CDC14B: variants seen among roughly 807,000 people sequenced by gnomAD.
CDC14B encodes the protein cell division cycle 14B, also known as dual specificity protein phosphatase CDC14B.
CDC14B carries 22 observed loss-of-function variants against 64.2 expected under a neutral mutation model. That is an observed-to-expected ratio of 0.34 (90% CI 0.24 to 0.49). CDC14B has a LOEUF of 0.49. Ranked by LOEUF, CDC14B falls within the 20% of genes least tolerant of loss-of-function variation. The probability of loss-of-function intolerance (pLI) is 0.99; values close to 1 mark genes in which losing one functional copy is unlikely to be tolerated. For synonymous variants in CDC14B, 191 were observed against 215.8 expected (o/e 0.89, Z 1.01); for missense variants, 498 against 629.9 (o/e 0.79, Z 2.24).
chr9:96,541,776 G>T (rs112505403), intron 6 of CDC14B, 50 bp downstream of exon 6: 75 of 1,296,490 alleles, frequency 5.8e-5, no homozygotes, highest in African/African-American at 4.9e-4. Flanking sequence ...TTCTTGGACC[G>T]CATGTTAGTT....
At position 96,500,535 on chromosome 9, in the gene CDC14B, C is replaced by T. The variant is rs1444790626; in HGVS notation, c.*3218G>A. 1 of 152,624 alleles carries T rather than the reference C, an allele frequency of 6.6e-6. No homozygotes were observed. Among genetic ancestry groups the T allele is most frequent in the Admixed American group, 6.5e-5 (1 of 15,282 alleles). 9.5% of individuals were successfully genotyped at this position (152,624 alleles called of 1,614,324 possible). On this transcript the variant is annotated 3_prime_UTR_variant, in exon 14 of 14. Coordinates refer to ENST00000375241, the MANE Select transcript of CDC14B (RefSeq NM_033331.4). ...AGGTAATTAAGGAGGTAATTTCCTA[C>T]ACAGTATAGGTGAATTGTCCAGTCT...
Position 96,546,488 on chromosome 9 carries a change from C to T in CDC14B, c.498-4596G>A, listed in dbSNP as rs931916977. Among the ~76,000 whole-genome samples, 12 of 150,464 alleles carry T rather than the reference C, an allele frequency of 8.0e-5. No homozygotes were observed. The East Asian group carries it at 2.2e-3, about 27-fold the overall frequency. Reference sequence around the variant, plus strand: ...GGTGGGGACGGAGTTTCGCTCTTGTCGCCCAGGCTGGAGTGCAATGACACG... The same window carrying T: ...GGTGGGGACGGAGTTTCGCTCTTGTTGCCCAGGCTGGAGTGCAATGACACG... On this transcript the variant is annotated intron_variant, in intron 5 of 13. Transcript: ENST00000375241.
intron 7 of CDC14B, among the ~76,000 whole-genome samples, chr9:96,535,073 T>C (rs1839087788): frequency 6.6e-6 from 1 of 152,196 alleles, no homozygotes; most frequent in Non-Finnish European, 1.5e-5. Context: ...AACTATTTAA[T>C]AAGGCAACCA....
intron 1 of CDC14B, among the ~76,000 whole-genome samples, chr9:96,603,370 TA>T (rs1035984613): frequency 6.6e-6 from 1 of 151,644 alleles, no homozygotes; most frequent in African/African-American, 2.4e-5. Flanking sequence ...ATGAAAAACT[TA>T]AAAAAAAGAA....
intron 13 of CDC14B, among the ~76,000 whole-genome samples, chr9:96,508,208 G>T (rs548887424): frequency 3.3e-5 from 5 of 152,044 alleles, no homozygotes; most frequent in Admixed American, 3.3e-4. Flanking sequence ...TAGAGACGGG[G>T]TTTCACTATG....
chr9:96,517,506 G>T (rs1166816407), intron 12 of CDC14B, among the ~76,000 whole-genome samples: 2 of 149,712 alleles, frequency 1.3e-5, no homozygotes, highest in African/African-American at 4.9e-5. Flanking sequence ...CAAAAAATTA[G>T]CCGGGCGTGG....
chr9:96,585,131 CAG>C, intron 1 of CDC14B, among the ~76,000 whole-genome samples: 1 of 152,140 alleles, frequency 6.6e-6, no homozygotes, highest in South Asian at 2.1e-4. Flanking sequence ...AACAACTTCT[CAG>C]AGAGATTTAA....
Position 96,534,176 on chromosome 9 carries a change from C to T in CDC14B, c.716-19G>A, listed in dbSNP as rs1421747596. 1.4e-6 allele frequency: 2 copies of T among 1,445,594 alleles called. No homozygotes were observed. The highest frequency in any genetic ancestry group is 1.9e-6 in the Non-Finnish European group (2 of 1,043,304). 89.5% of individuals were successfully genotyped at this position (1,445,594 alleles called of 1,614,324 possible). On this transcript the variant is annotated intron_variant, in intron 8 of 13. Transcript: ENST00000375241. ...TGGTAACCTACATAAAGAAATGCACCAGATCTTATAAAACACATAAAGAAA... is the reference window on the plus strand; with the variant it reads ...TGGTAACCTACATAAAGAAATGCACTAGATCTTATAAAACACATAAAGAAA...
intron 1 of CDC14B, among the ~76,000 whole-genome samples, chr9:96,584,828 G>A (rs1403518450): frequency 6.6e-6 from 1 of 151,870 alleles, no homozygotes; most frequent in Non-Finnish European, 1.5e-5. Flanking sequence ...CAATTTTTTT[G>A]TCTTTTTAGT....
At chr9:96,558,631 T>C (rs1842785054) in intron 4 of CDC14B, among the ~76,000 whole-genome samples, 1 of 152,192 alleles carries the variant, frequency 6.6e-6, no homozygotes, top group South Asian at 2.1e-4. Context: ...AAAACAAAAT[T>C]TCCAACTTTT....
At chr9:96,564,979 C>A in intron 2 of CDC14B, 127 bp from the exon 3 acceptor site, 1 of 585,036 alleles carries the variant, frequency 1.7e-6, no homozygotes, top group Non-Finnish European at 2.9e-6. Context: ...GCCAATACAA[C>A]TTAAAGGTAC....
At chr9:96,532,666 G>C (rs904692450) in intron 9 of CDC14B, among the ~76,000 whole-genome samples, 4 of 151,970 alleles carry the variant, frequency 2.6e-5, no homozygotes, top group African/African-American at 9.7e-5. Flanking sequence ...TATTCTTTCT[G>C]TTCCTCAGAC....
intron 6 of CDC14B, among the ~76,000 whole-genome samples, chr9:96,539,539 TA>T (rs1839754531): frequency 6.6e-6 from 1 of 152,206 alleles, no homozygotes; most frequent in Non-Finnish European, 1.5e-5. Flanking sequence ...CAATGGTCTC[TA>T]CATCGATAAG....
rs56713269 is a variant in CDC14B at position 96,612,487 on chromosome 9, G to A, written c.160+6732C>T. ...TTCTCACAACAAATCTGTGGCAGAT[G>A]AAAGCATCGAGGCTCCAAAAGGTTA... On this transcript the variant is annotated intron_variant, in intron 1 of 13. Coordinates refer to ENST00000375241, the MANE Select transcript of CDC14B (RefSeq NM_033331.4). Among the ~76,000 whole-genome samples the A allele has an allele frequency of 7.1e-3, 1,076 of 152,306 alleles. 19 individuals are homozygous for A. Among genetic ancestry groups the A allele is most frequent in the African/African-American group, 0.025 (1,026 of 41,566 alleles).
intron 1 of CDC14B, among the ~76,000 whole-genome samples, chr9:96,589,635 A>C (rs1246111091): frequency 6.6e-6 from 1 of 152,212 alleles, no homozygotes; most frequent in Non-Finnish European, 1.5e-5. Context: ...CTGCAAATAG[A>C]AATAGATGTA....
At position 96,514,524 on chromosome 9, in the gene CDC14B, T is replaced by C; in HGVS notation, c.1344-4735A>G. 6 of 985,298 alleles carry C rather than the reference T, an allele frequency of 6.1e-6. No individual in the cohort carries two copies. In the South Asian group the frequency reaches 2.8e-4, roughly 46 times the overall value. The allele number at this position is 985,298 out of a possible 1,614,324, so 61.0% of individuals were successfully genotyped here. ...GCAGGTTTTGCCTAATTCTGAAGAG[T>C]GAAATCAGCTTGATTTTTAAATCTT... On this transcript the variant is annotated intron_variant, in intron 12 of 13. Coordinates refer to ENST00000375241, the MANE Select transcript of CDC14B (RefSeq NM_033331.4).
chr9:96,545,013 C>T (rs1441178942), intron 5 of CDC14B, among the ~76,000 whole-genome samples: 1 of 152,190 alleles, frequency 6.6e-6, no homozygotes, highest in Admixed American at 6.5e-5. Context: ...TGCAAATTCT[C>T]AGGGCTACCC....
chr9:96,496,130 A>G, downstream of CDC14B: 1 of 364,092 alleles, frequency 2.7e-6, no homozygotes, highest in South Asian at 2.0e-5. Flanking sequence ...TTCCCAACCC[A>G]GTCAGGCCGA....
At chr9:96,559,422 C>T (rs969216509) in intron 4 of CDC14B, among the ~76,000 whole-genome samples, 6 of 152,142 alleles carry the variant, frequency 3.9e-5, no homozygotes, top group Non-Finnish European at 4.4e-5. Context: ...AAATTCCTGA[C>T]GACTCCAGAA....
Sources: allele counts gnomAD v4.1 joint callset (sites outside exome capture counted in the v4.1 genomes callset), GRCh38; gene constraint gnomAD v4.1.1; transcripts MANE v1.5; gene names NCBI Gene and HGNC (gene_info 2026-07-23, HGNC 2026-07-21).